DUXA: variants seen among roughly 807,000 people sequenced by gnomAD.
DUXA encodes double homeobox A, also known as double homeobox protein A.
DUXA carries 25 observed loss-of-function variants against 27.5 expected under a neutral mutation model. The ratio of observed to expected loss-of-function variants is 0.91; its 90% CI spans 0.66 to 1.27. The LOEUF (loss-of-function observed/expected upper bound fraction) is 1.27. Among genes scored for constraint, DUXA ranks in the 50% most tolerant of loss-of-function variants. The pLI is 0.00. For synonymous variants in DUXA, 90 were observed against 80.5 expected, an observed-to-expected ratio of 1.12 and a Z score of -0.63; for missense variants, 247 against 242.9, an observed-to-expected ratio of 1.02 and a Z score of -0.11.
Position 57,159,213 on chromosome 19 carries a change from T to C in DUXA, c.246A>G (p.Glu82=). The part of the protein sequence containing the change: ...FQKRPEAETL[E]SSQSQGQDQP... ...GATCTTGCCCCTGGCTCTGGCTTGA[T>C]TCTAAAGTCTCAGCTTCTGGTCTTT... The change falls in exon 3 of 6, where the codon GAA becomes GAG. Residue 82 remains glutamate, a synonymous_variant. Coordinates refer to ENST00000554048, the MANE Select transcript of DUXA (RefSeq NM_001012729.2). The C allele has an allele frequency of 3.1e-6, 5 of 1,614,218 alleles. No individual in the cohort carries two copies. Among genetic ancestry groups the C allele is most frequent in the Non-Finnish European group, 4.2e-6 (5 of 1,180,038 alleles).
intron 2 of DUXA, among the ~76,000 whole-genome samples, 185 bp downstream of exon 2, chr19:57,160,458 G>A (rs200415572): frequency 9.9e-5 from 15 of 152,164 alleles, no homozygotes; most frequent in Non-Finnish European, 5.9e-5. Context: ...CTGTGAGCTC[G>A]CTCATCCTCA....
chr19:57,167,175 C>A (rs1343884004), intron 1 of DUXA, among the ~76,000 whole-genome samples: 2 of 152,116 alleles, frequency 1.3e-5, no homozygotes, highest in Admixed American at 6.6e-5. Flanking sequence ...CTCTTCCTTC[C>A]TGAAGCTCAA....
rs181532324 is a variant in DUXA, at chr19:57,154,135, A to G, written c.*277T>C. Reference sequence around the variant, plus strand: ...CCCCCTGTACCCGTCTCTGCCTCCTACAGTCCTTTTCATTTATTTTGTTTT... The same window carrying G: ...CCCCCTGTACCCGTCTCTGCCTCCTGCAGTCCTTTTCATTTATTTTGTTTT... On this transcript the variant is annotated 3_prime_UTR_variant, in exon 6 of 6. Transcript: ENST00000554048. 38 of 341,868 alleles carry G rather than the reference A, an allele frequency of 1.1e-4. No individual in the cohort carries two copies. The Admixed American group carries it at 1.6e-3, about 15-fold the overall frequency. The allele number at this position is 341,868 out of a possible 1,614,324, so 21.2% of individuals were successfully genotyped here. A position where few individuals can be genotyped will look rare whatever the true frequency, so the allele number is the denominator to read the frequency against.
At chr19:57,157,987 C>T (rs1464699652) in intron 4 of DUXA, among the ~76,000 whole-genome samples, 2 of 107,676 alleles carry the variant, frequency 1.9e-5, no homozygotes, top group African/African-American at 7.9e-5. Context: ...GAGTGAGACC[C>T]CATCTCAGAA....
intron 1 of DUXA, among the ~76,000 whole-genome samples, chr19:57,165,331 A>ATATATG: frequency 8.2e-6 from 1 of 121,620 alleles, no homozygotes. Context: ...AAAAATATAT[A>ATATATG]TATATATATA....
intron 1 of DUXA, 142 bp downstream of exon 1, chr19:57,167,277 T>G: frequency 9.9e-7 from 1 of 1,007,650 alleles, no homozygotes; most frequent in South Asian, 1.5e-5. Flanking sequence ...TAATATCACA[T>G]CAGAGAAACC....
At chr19:57,163,350 T>C (rs2087034154) in intron 1 of DUXA, among the ~76,000 whole-genome samples, 1 of 152,140 alleles carries the variant, frequency 6.6e-6, no homozygotes, top group South Asian at 2.1e-4. Context: ...TTTCCCTAGG[T>C]TGCCCAGGCT....
At position 57,155,292 on chromosome 19, in the gene DUXA, C is replaced by A; in HGVS notation, c.519G>T (p.Gln173His). The A allele has an allele frequency of 7.4e-6, 12 of 1,614,192 alleles. No homozygotes were observed. The highest frequency in any genetic ancestry group is 1.0e-5 in the Non-Finnish European group (12 of 1,180,042). ...CTTGCAGTCCCTCAGGAATCTTGCC[C>A]TGCTCTTCTTGTTCTAAGGACGCCA... ...EPVASLEQEE[Q>H]GKIPEGLQGA... The change falls in exon 5 of 6, where the codon CAG (glutamine) becomes CAT (histidine). Residue 173 changes from glutamine to histidine, a missense_variant. Physicochemically the swap from Gln to His is conservative, Grantham distance 24 (BLOSUM62 0). Transcript: ENST00000554048.
intron 3 of DUXA, among the ~76,000 whole-genome samples, chr19:57,158,931 C>G (rs926010116): frequency 6.6e-6 from 1 of 152,072 alleles, no homozygotes; most frequent in African/African-American, 2.4e-5. Context: ...TTGTAGTGAG[C>G]CAAGATCAAG....
intron 2 of DUXA, among the ~76,000 whole-genome samples, chr19:57,160,373 C>T (rs2122693359): frequency 6.6e-6 from 1 of 152,344 alleles, no homozygotes; most frequent in South Asian, 2.1e-4. Context: ...ATAGCTGCTA[C>T]AATTATTACA....
intron 1 of DUXA, among the ~76,000 whole-genome samples, chr19:57,161,433 C>A (rs578255501): frequency 2.7e-5 from 4 of 149,470 alleles, no homozygotes; most frequent in Non-Finnish European, 4.4e-5. Context: ...ACCATCCTGG[C>A]TAACATGATG....
At chr19:57,158,209 G>A in intron 4 of DUXA, 119 bp downstream of exon 4, 17 of 1,173,802 alleles carry the variant, frequency 1.4e-5, no homozygotes, top group Middle Eastern at 3.0e-4. Flanking sequence ...ACAGGGAACA[G>A]CTGTGAAAGA....
intron 3 of DUXA, 27 bp downstream of exon 3, chr19:57,159,140 G>A: frequency 6.3e-7 from 1 of 1,582,576 alleles, no homozygotes; most frequent in Non-Finnish European, 8.6e-7. Flanking sequence ...AGCTCTGCTG[G>A]GGAACAGAAC....
intron 2 of DUXA, among the ~76,000 whole-genome samples, chr19:57,160,100 G>C (rs1208180862): frequency 6.6e-6 from 1 of 151,944 alleles, no homozygotes; most frequent in Non-Finnish European, 1.5e-5. Flanking sequence ...GCGAGACTCT[G>C]TCTCAAAATT....
intron 5 of DUXA, 144 bp downstream of exon 5, chr19:57,155,123 T>C: frequency 1.5e-6 from 1 of 686,378 alleles, no homozygotes; most frequent in African/African-American, 1.8e-5. Context: ...CTTTGGGGAC[T>C]GTGAGCAACC....
chr19:57,160,545 C>A, intron 2 of DUXA, 98 bp downstream of exon 2: 2 of 1,414,150 alleles, frequency 1.4e-6, no homozygotes, highest in Non-Finnish European at 9.6e-7. Flanking sequence ...TACTCCCTAC[C>A]AAGCCCTCAG....
Position 57,159,416 on chromosome 19 carries a change from C to T in DUXA, c.181-138G>A, listed in dbSNP as rs2087009089. The T allele has an allele frequency of 9.0e-6, 7 of 780,912 alleles. No homozygotes were observed. In the South Asian group the frequency reaches 1.1e-4, roughly 13 times the overall value. The allele number at this position is 780,912 out of a possible 1,614,324, so 48.4% of individuals were successfully genotyped here. A position where few individuals can be genotyped will look rare whatever the true frequency, so the allele number is the denominator to read the frequency against. ...TACTTCTGTCACATTCTACCAAGTC[C>T]TTTTTTTTCTTTTTTGAGATAGAGT... On this transcript the variant is annotated intron_variant, in intron 2 of 5. Transcript: ENST00000554048.
rs1261307878 is a variant in DUXA at position 57,160,785 on chromosome 19, G to C, written c.38C>G (p.Thr13Arg). The C allele has an allele frequency of 6.2e-7, 1 of 1,613,888 alleles. No individual in the cohort carries two copies. The highest frequency in any genetic ancestry group is 8.5e-7 in the Non-Finnish European group (1 of 1,180,002). The part of the protein sequence containing the change: ...EDTYSHKMVK[T>R]NHRRCRTKFT... ...TTTTGTGCGACAGCGCCTATGATTT[G>C]TTTTTACCATCTCTGTAGGAAGATT... The change falls in exon 2 of 6, where the codon ACA (threonine) becomes AGA (arginine). Residue 13 changes from threonine to arginine, a missense_variant. Thr to Arg is a moderately conservative substitution (Grantham distance 71, BLOSUM62 -1). Transcript: ENST00000554048.
At chr19:57,166,398 C>T (rs547369008) in intron 1 of DUXA, among the ~76,000 whole-genome samples, 1 of 152,288 alleles carries the variant, frequency 6.6e-6, no homozygotes, top group South Asian at 2.1e-4. Flanking sequence ...CAACATTCAC[C>T]TCTTGGGTTC....
Sources: allele counts gnomAD v4.1 joint callset (sites outside exome capture counted in the v4.1 genomes callset), GRCh38; gene constraint gnomAD v4.1.1; transcripts MANE v1.5; gene names NCBI Gene and HGNC (gene_info 2026-07-23, HGNC 2026-07-21).